Variants in PTPRD observed in about 807,000 individuals in gnomAD.
PTPRD encodes protein tyrosine phosphatase receptor type D.
PTPRD carries 34 observed loss-of-function variants against 214.5 expected under a neutral mutation model. The ratio of observed to expected loss-of-function variants is 0.16; its 90% CI spans 0.12 to 0.21. PTPRD has a LOEUF of 0.21. Among genes scored for constraint, PTPRD ranks in the 10% least tolerant of loss-of-function variants. The probability of loss-of-function intolerance (pLI) is 1.00; values close to 1 mark genes in which losing one functional copy is unlikely to be tolerated. For synonymous variants in PTPRD, 1,128 were observed against 845.7 expected, an observed-to-expected ratio of 1.33 and a Z score of -5.79; for missense variants, 2,545 against 2,398.7, an observed-to-expected ratio of 1.06 and a Z score of -1.27.
chr9:8,927,118 A>C (rs984733053), intron 11 of PTPRD, among the ~76,000 whole-genome samples: 2 of 152,016 alleles, frequency 1.3e-5, no homozygotes, highest in Non-Finnish European at 2.9e-5. Context: ...TAAGAACATA[A>C]AAAAAAGGCA....
chr9:9,339,688 C>G (rs2046016733), intron 9 of PTPRD, among the ~76,000 whole-genome samples: 1 of 152,136 alleles, frequency 6.6e-6, no homozygotes, highest in Non-Finnish European at 1.5e-5. Context: ...CTTAGAATAG[C>G]TACTGAATAT....
chr9:8,891,411 C>G (rs1469398585), intron 11 of PTPRD, among the ~76,000 whole-genome samples: 1 of 151,310 alleles, frequency 6.6e-6, no homozygotes, highest in Admixed American at 6.6e-5. Flanking sequence ...GGATTACAGG[C>G]GTGAGACACC....
At chr9:9,197,634 C>T (rs1045056530) in intron 9 of PTPRD, among the ~76,000 whole-genome samples, 2 of 152,202 alleles carry the variant, frequency 1.3e-5, no homozygotes, top group African/African-American at 2.4e-5. Flanking sequence ...TGGTCTCGAA[C>T]TCCTGACCTC....
intron 10 of PTPRD, among the ~76,000 whole-genome samples, chr9:9,043,430 A>G (rs867785540): frequency 2.0e-5 from 3 of 152,166 alleles, no homozygotes; most frequent in African/African-American, 7.2e-5. Context: ...GTATTTCATT[A>G]TCAGGATGAC....
intron 2 of PTPRD, among the ~76,000 whole-genome samples, chr9:10,502,691 CTG>C (rs1005139365): frequency 6.6e-6 from 1 of 152,052 alleles, no homozygotes; most frequent in Non-Finnish European, 1.5e-5. Flanking sequence ...GATACAAAAA[CTG>C]TAATATATGT....
At chr9:10,236,676 T>C (rs1272528448) in intron 3 of PTPRD, among the ~76,000 whole-genome samples, 1 of 151,934 alleles carries the variant, frequency 6.6e-6, no homozygotes, top group African/African-American at 2.4e-5. Context: ...ATTTAGGATA[T>C]ATTGAAAATC....
chr9:10,481,048 T>A (rs947454338), intron 2 of PTPRD, among the ~76,000 whole-genome samples: 39 of 146,262 alleles, frequency 2.7e-4, no homozygotes, highest in Admixed American at 1.9e-3. Context: ...TTTTTTTTTT[T>A]AAACAGTTCT....
In PTPRD at chr9:9,929,344, C is replaced by G. The variant is rs538694908; in HGVS notation, c.-368+9163G>C. 3.3e-5 allele frequency among the ~76,000 whole-genome samples: 5 copies of G among 152,294 alleles called. No individual in the cohort carries two copies. The South Asian group carries it at 8.3e-4, about 25-fold the overall frequency. The stretch of plus-strand genomic sequence containing the variant: ...GCCCTTCCTCTATACCCCTTGCTAT[C>G]AAGGAGTATTTTGCTTTTTGAAACT... On this transcript the variant is annotated intron_variant, in intron 5 of 45. Coordinates refer to ENST00000381196, the MANE Select transcript of PTPRD (RefSeq NM_002839.4).
intron 11 of PTPRD, among the ~76,000 whole-genome samples, chr9:8,842,172 C>A (rs767102432): frequency 6.6e-6 from 1 of 151,924 alleles, no homozygotes; most frequent in African/African-American, 2.4e-5. Context: ...GAACCTGTGA[C>A]GCTCCCTGTA....
intron 9 of PTPRD, among the ~76,000 whole-genome samples, chr9:9,275,485 T>C (rs1945250845): frequency 6.6e-6 from 1 of 150,974 alleles, no homozygotes; most frequent in South Asian, 2.1e-4. Context: ...TTTCCTGATC[T>C]TACATATCTC....
chr9:10,262,523 C>G (rs990544465), intron 3 of PTPRD, among the ~76,000 whole-genome samples: 3 of 152,174 alleles, frequency 2.0e-5, no homozygotes, highest in African/African-American at 7.2e-5. Flanking sequence ...TAACTACTAT[C>G]CTATACCATC....
At chr9:9,126,411 A>T (rs1220957190) in intron 10 of PTPRD, among the ~76,000 whole-genome samples, 1 of 152,222 alleles carries the variant, frequency 6.6e-6, no homozygotes, top group African/African-American at 2.4e-5. Context: ...TATCAAGGAT[A>T]GCTTTTTAGA....
intron 5 of PTPRD, among the ~76,000 whole-genome samples, chr9:9,811,380 C>CT (rs1565445536): frequency 1.3e-5 from 2 of 152,118 alleles, no homozygotes; most frequent in South Asian, 2.1e-4. Context: ...CATGATGAAA[C>CT]TTTAACAAAT....
chr9:9,640,018 A>T (rs192605966), intron 7 of PTPRD, among the ~76,000 whole-genome samples: 55 of 152,348 alleles, frequency 3.6e-4, no homozygotes, highest in African/African-American at 1.3e-3. Context: ...AAGGACAAAG[A>T]TATTCCAATA....
rs2094076723 is a variant in PTPRD at position 8,418,054 on chromosome 9, G to C, written c.4087-13394C>G. On this transcript the variant is annotated intron_variant, in intron 35 of 45. Transcript: ENST00000381196. ...AGGAATTGCCATGTTGTGGTGCTCA[G>C]GGTACATACCAACTCAATATAAATA... Among the ~76,000 whole-genome samples the C allele has an allele frequency of 2.0e-5, 3 of 152,110 alleles. 1 individual carries two copies. In the South Asian group the frequency reaches 6.2e-4, roughly 32 times the overall value.
At chr9:9,090,395 T>C (rs2099773844) in intron 10 of PTPRD, among the ~76,000 whole-genome samples, 1 of 152,196 alleles carries the variant, frequency 6.6e-6, no homozygotes, top group Non-Finnish European at 1.5e-5. Flanking sequence ...GGATTTATTA[T>C]TTTTTGATGG....
intron 36 of PTPRD, among the ~76,000 whole-genome samples, chr9:8,391,762 C>T (rs534723103): frequency 1.3e-5 from 2 of 152,038 alleles, no homozygotes; most frequent in East Asian, 3.9e-4. Context: ...ATCACCTGGG[C>T]CCTGTGCCAC....
Position 9,939,262 on chromosome 9 carries a change from G to C in PTPRD, c.-471-652C>G, listed in dbSNP as rs554746705. ...CTCCTGTATGAATGGAATGTGCCAG[G>C]TAGGGTCTTGTACTGCACACAAATA... On this transcript the variant is annotated intron_variant, in intron 4 of 45. Transcript: ENST00000381196. 2.6e-5 allele frequency among the ~76,000 whole-genome samples: 4 copies of C among 152,288 alleles called. No homozygotes were observed. In the South Asian group the frequency reaches 8.3e-4, roughly 32 times the overall value.
intron 34 of PTPRD, among the ~76,000 whole-genome samples, chr9:8,446,179 A>G (rs766469686): frequency 6.6e-6 from 1 of 152,176 alleles, no homozygotes; most frequent in Non-Finnish European, 1.5e-5. Flanking sequence ...ACTTTTTCTG[A>G]TCCAACTATG....
Sources: gnomAD v4.1 joint callset for allele counts (sites outside exome capture counted in the v4.1 genomes callset) on GRCh38, gnomAD v4.1.1 for gene constraint, MANE v1.5 for transcripts, NCBI Gene and HGNC (gene_info 2026-07-23, HGNC 2026-07-21) for gene names.